TBC1D19: variants seen among roughly 807,000 people sequenced by gnomAD.
TBC1D19 encodes the protein TBC1 domain family member 19, also known as TBC1 domain family, member 19.
In TBC1D19, 60 loss-of-function variants were observed where a neutral mutation model predicts 89.0. That is an observed-to-expected ratio of 0.67 (90% CI 0.55 to 0.84). The LOEUF is 0.84. Among genes scored for constraint, TBC1D19 ranks in the 40% least tolerant of loss-of-function variants. TBC1D19 has a pLI of 0.00. For missense variants in TBC1D19, 500 were observed against 610.8 expected, an observed-to-expected ratio of 0.82 and a Z score of 1.91; for synonymous variants, 189 against 199.7, an observed-to-expected ratio of 0.95 and a Z score of 0.45.
intron 1 of TBC1D19, among the ~76,000 whole-genome samples, chr4:26,603,943 A>G (rs181070212): frequency 1.3e-5 from 2 of 152,120 alleles, no homozygotes; most frequent in Non-Finnish European, 2.9e-5. Flanking sequence ...GAAACTCTGT[A>G]CCCATAAATA....
chr4:26,827,690 G>A, the TBC1D19 span, among the ~76,000 whole-genome samples: 13 of 151,022 alleles, frequency 8.6e-5, no homozygotes, highest in African/African-American at 3.2e-4. Context: ...CAATTTATTA[G>A]AGCTTTCTTT....
chr4:26,719,263 A>G (rs558746186), intron 14 of TBC1D19, among the ~76,000 whole-genome samples: 1 of 152,122 alleles, frequency 6.6e-6, no homozygotes, highest in Non-Finnish European at 1.5e-5. Context: ...TCTTGCTCAC[A>G]AGATCAATCC....
At chr4:26,823,140 T>G in the TBC1D19 span, among the ~76,000 whole-genome samples, 2 of 152,186 alleles carry the variant, frequency 1.3e-5, no homozygotes, top group East Asian at 3.8e-4. Flanking sequence ...GAGGAGCAAG[T>G]CACATCTTAC....
the TBC1D19 span, among the ~76,000 whole-genome samples, chr4:26,815,615 G>T: frequency 1.6e-4 from 25 of 152,186 alleles, no homozygotes; most frequent in Non-Finnish European, 2.8e-4. Context: ...TGGTTTAAAT[G>T]CTCTTCCTCT....
At chr4:26,782,786 C>A in the TBC1D19 span, among the ~76,000 whole-genome samples, 2 of 148,934 alleles carry the variant, frequency 1.3e-5, no homozygotes, top group Non-Finnish European at 1.5e-5. Flanking sequence ...GAAAACAGAG[C>A]ATACTATATA....
At chr4:26,842,649 T>C in the TBC1D19 span, among the ~76,000 whole-genome samples, 1 of 147,330 alleles carries the variant, frequency 6.8e-6, no homozygotes, top group Non-Finnish European at 1.5e-5. Flanking sequence ...TCTTTCTTTT[T>C]CTTTCTTCTT....
At chr4:26,659,476 A>T in intron 7 of TBC1D19, 121 bp from the exon 8 acceptor site, 1 of 530,242 alleles carries the variant, frequency 1.9e-6, no homozygotes, top group Admixed American at 3.0e-5. Flanking sequence ...TAATTAAAGT[A>T]TGTGCATCAC....
At chr4:26,659,177 A>T (rs1745063145) in intron 7 of TBC1D19, among the ~76,000 whole-genome samples, 2 of 152,168 alleles carry the variant, frequency 1.3e-5, no homozygotes, top group Admixed American at 1.3e-4. Context: ...CTTTCTACAA[A>T]TATTGTCAAT....
the TBC1D19 span, among the ~76,000 whole-genome samples, chr4:26,815,748 T>G: frequency 6.6e-6 from 1 of 152,274 alleles, no homozygotes; most frequent in Non-Finnish European, 1.5e-5. Context: ...TTAGTCATTC[T>G]GACTTGGTAT....
At chr4:26,721,986 T>C (rs1486742551) in intron 15 of TBC1D19, among the ~76,000 whole-genome samples, 1 of 152,124 alleles carries the variant, frequency 6.6e-6, no homozygotes, top group African/African-American at 2.4e-5. Context: ...GCCCTTCCTC[T>C]AGACTCCCAT....
intron 11 of TBC1D19, among the ~76,000 whole-genome samples, chr4:26,676,670 G>C (rs188535539): frequency 6.7e-6 from 1 of 149,382 alleles, no homozygotes; most frequent in African/African-American, 2.5e-5. Context: ...AGTGAGCAGA[G>C]ATCGCGCCAC....
chr4:26,806,899 CAAGG>C, the TBC1D19 span, among the ~76,000 whole-genome samples: 1 of 152,172 alleles, frequency 6.6e-6, no homozygotes, highest in African/African-American at 2.4e-5. Flanking sequence ...TAGGAAGAGG[CAAGG>C]AAGGGTCGTC....
At chr4:26,760,195 C>T (rs1027901843), downstream of TBC1D19, among the ~76,000 whole-genome samples, 1 of 152,282 alleles carries the variant, frequency 6.6e-6, no homozygotes, top group South Asian at 2.1e-4. Context: ...TATTTTCATA[C>T]TTATTTGCCA....
the TBC1D19 span, among the ~76,000 whole-genome samples, chr4:26,850,909 T>G: frequency 1.3e-5 from 2 of 152,168 alleles, no homozygotes; most frequent in African/African-American, 4.8e-5. Context: ...GAGACTGGTA[T>G]GTGAGTTGGT....
At chr4:26,672,045 A>G in intron 9 of TBC1D19, 104 bp from the exon 10 acceptor site, 1 of 562,872 alleles carries the variant, frequency 1.8e-6, no homozygotes, top group Non-Finnish European at 2.7e-6. Flanking sequence ...TCTGGCTTTA[A>G]AAATCATTAA....
the TBC1D19 span, among the ~76,000 whole-genome samples, chr4:26,851,307 A>ATCTATCTGTCTGTCTGTCTG: frequency 5.3e-4 from 24 of 45,462 alleles, no homozygotes; most frequent in African/African-American, 1.7e-3. Context: ...TAAATACCCT[A>ATCTATCTGTCTGTCTGTCTG]TCTATCTATC....
At chr4:26,761,438 C>CTACCT in the TBC1D19 span, among the ~76,000 whole-genome samples, 3 of 152,006 alleles carry the variant, frequency 2.0e-5, no homozygotes, top group Non-Finnish European at 4.4e-5. Context: ...AAAATTATCC[C>CTACCT]TACTTCTTTC....
chr4:26,820,450 C>T, the TBC1D19 span, among the ~76,000 whole-genome samples: 2 of 152,312 alleles, frequency 1.3e-5, no homozygotes, highest in South Asian at 2.1e-4. Context: ...ACAGTATTAG[C>T]CTTTCTGTGC....
the TBC1D19 span, among the ~76,000 whole-genome samples, chr4:26,799,412 A>C: frequency 6.6e-6 from 1 of 152,218 alleles, no homozygotes. Context: ...GGAAACTCAG[A>C]AGCTATAAAA....
Sources: gnomAD v4.1 joint callset for allele counts (sites outside exome capture counted in the v4.1 genomes callset) on GRCh38, gnomAD v4.1.1 for gene constraint, MANE v1.5 for transcripts, NCBI Gene and HGNC (gene_info 2026-07-23, HGNC 2026-07-21) for gene names.